Variants in ITPR1 observed in about 807,000 individuals in gnomAD.
The protein encoded by ITPR1 is inositol 1,4,5-trisphosphate receptor type 1, also known as inositol 1,4,5-trisphosphate-gated calcium channel ITPR1.
Under a neutral mutation model 318.4 loss-of-function variants are expected in ITPR1, and 96 were observed. That is an observed-to-expected ratio of 0.30 (90% CI 0.26 to 0.36). ITPR1 has a LOEUF of 0.36. ITPR1 is among the 10% of genes least tolerant of loss of function. ITPR1 has a pLI of 1.00. For missense variants in ITPR1, 2,440 were observed against 3,460.2 expected (o/e 0.71, Z 7.40); for synonymous variants, 1,312 against 1,289.9 (o/e 1.02, Z -0.37).
chr3:4,714,426 C>T (rs1055463710), intron 39 of ITPR1, among the ~76,000 whole-genome samples: 17 of 152,148 alleles, frequency 1.1e-4, no homozygotes, highest in African/African-American at 4.1e-4. Context: ...TGCTTCTCTG[C>T]CCTCTCCTGA....
At chr3:4,689,293 A>G (rs1164884735) in intron 31 of ITPR1, among the ~76,000 whole-genome samples, 3 of 144,580 alleles carry the variant, frequency 2.1e-5, no homozygotes, top group African/African-American at 7.4e-5. Context: ...CAATACTGCA[A>G]AGGACATCTT....
chr3:4,785,442 A>G (rs150290459), intron 51 of ITPR1, among the ~76,000 whole-genome samples: 2 of 152,394 alleles, frequency 1.3e-5, no homozygotes, highest in Non-Finnish European at 2.9e-5. Flanking sequence ...CCTTTGGGCA[A>G]TATGAAATGT....
At position 4,661,019 on chromosome 3, in the gene ITPR1, A is replaced by G. The variant is rs746459195; in HGVS notation, c.1183A>G (p.Thr395Ala). 6.2e-7 allele frequency: 1 copy of G among 1,608,854 alleles called. No individual in the cohort carries two copies. The highest frequency in any genetic ancestry group is 8.5e-7 in the Non-Finnish European group (1 of 1,175,546). ...TTATGTTCGGCTCAGACACCTATGT[A>G]CTAATACCTGGGTTCACAGCACAAA... ...NSYVRLRHLC[T>A]NTWVHSTNIP... The change falls in exon 14 of 62, where the codon ACT (threonine) becomes GCT (alanine). Residue 395 changes from threonine to alanine, a missense_variant. Thr to Ala is a moderately conservative substitution (Grantham distance 58). This residue lies in a region of ITPR1 where 101 missense variants were observed against 119.6 expected (regional missense o/e 0.84). Coordinates refer to ENST00000649015, the MANE Select transcript of ITPR1 (RefSeq NM_001378452.1).
chr3:4,499,057 G>A (rs1437602370), intron 2 of ITPR1, among the ~76,000 whole-genome samples: 1 of 152,166 alleles, frequency 6.6e-6, no homozygotes, highest in African/African-American at 2.4e-5. Flanking sequence ...AGGGGACGGA[G>A]GCAGGAGAAT....
Position 4,818,201 on chromosome 3 carries a change from G to A in ITPR1, c.7987G>A (p.Glu2663Lys). The A allele has an allele frequency of 1.3e-6, 2 of 1,592,192 alleles. No individual in the cohort carries two copies. Among genetic ancestry groups the A allele is most frequent in the Non-Finnish European group, 8.6e-7 (1 of 1,162,940 alleles). Residue 2663 changes from glutamate to lysine, a missense_variant, in exon 60 of 62, where the codon GAA becomes AAA. Coordinates refer to ENST00000649015, the MANE Select transcript of ITPR1 (RefSeq NM_001378452.1). Reference sequence around the variant, plus strand: ...CCTGGTGAAAGTAAAGGACTCCACCGAATATACTGGGCCTGAGAGTTACGT... The same window carrying A: ...CCTGGTGAAAGTAAAGGACTCCACCAAATATACTGGGCCTGAGAGTTACGT... ...IVLVKVKDST[E>K]YTGPESYVAE...
At chr3:4,587,236 A>T (rs2089996247) in intron 4 of ITPR1, among the ~76,000 whole-genome samples, 1 of 149,198 alleles carries the variant, frequency 6.7e-6, no homozygotes, top group Admixed American at 6.7e-5. Context: ...GCAAGCACCC[A>T]GTGCTGCTGA....
At chr3:4,537,832 A>C (rs1263246230) in intron 4 of ITPR1, among the ~76,000 whole-genome samples, 1 of 152,228 alleles carries the variant, frequency 6.6e-6, no homozygotes, top group Admixed American at 6.5e-5. Flanking sequence ...GCTTTAAGCC[A>C]CTACGTTTTT....
intron 54 of ITPR1, among the ~76,000 whole-genome samples, chr3:4,804,472 C>T (rs1419032372): frequency 6.6e-6 from 1 of 152,218 alleles, no homozygotes; most frequent in Admixed American, 6.5e-5. Flanking sequence ...CTAAGACTAA[C>T]AAGCAGAGTC....
Position 4,573,226 on chromosome 3 carries a change from T to G in ITPR1, c.163+52132T>G, listed in dbSNP as rs372915068. Among the ~76,000 whole-genome samples the G allele has an allele frequency of 3.3e-5, 5 of 152,362 alleles. No individual in the cohort carries two copies. In the South Asian group the frequency reaches 1.0e-3, roughly 32 times the overall value. ...GCCAACAGTGTACAAGGGTTCTAAT[T>G]TCTCCACATCTATCCAAACCTTGGA... is the stretch of plus-strand genomic sequence containing the variant. On this transcript the variant is annotated intron_variant, in intron 4 of 61. Transcript: ENST00000649015.
chr3:4,719,511 G>A (rs76232636), intron 40 of ITPR1, among the ~76,000 whole-genome samples: 5,479 of 152,290 alleles, frequency 0.036, 186 homozygotes, highest in South Asian at 0.089. Flanking sequence ...GTGCTGGCCC[G>A]GGATTAAGGC....
intron 59 of ITPR1, 103 bp downstream of exon 59, chr3:4,815,321 G>A: frequency 9.8e-7 from 1 of 1,018,894 alleles, no homozygotes; most frequent in Non-Finnish European, 1.4e-6. Flanking sequence ...GCCCAGTTAT[G>A]CGGGAGGGGG....
intron 12 of ITPR1, among the ~76,000 whole-genome samples, chr3:4,656,266 A>G (rs550718709): frequency 2.0e-5 from 3 of 151,838 alleles, no homozygotes; most frequent in South Asian, 2.1e-4. Context: ...TTTCCTCTCA[A>G]CTCCCACAGG....
At chr3:4,542,930 A>G (rs1430539399) in intron 4 of ITPR1, among the ~76,000 whole-genome samples, 1 of 152,180 alleles carries the variant, frequency 6.6e-6, no homozygotes, top group Non-Finnish European at 1.5e-5. Context: ...ATGTTTTCTA[A>G]TATTTCATCC....
At chr3:4,670,098 A>G (rs2094041326) in intron 19 of ITPR1, among the ~76,000 whole-genome samples, 1 of 152,194 alleles carries the variant, frequency 6.6e-6, no homozygotes, top group Non-Finnish European at 1.5e-5. Context: ...CAAATGACAT[A>G]ATGAATATTC....
intron 44 of ITPR1, chr3:4,750,553 T>G (rs192127612): frequency 2.4e-4 from 36 of 152,322 alleles, no homozygotes; most frequent in Admixed American, 1.2e-3. Flanking sequence ...TCTCTGGGTT[T>G]GCTCACCTTC....
chr3:4,689,274 C>G (rs1048205747), intron 31 of ITPR1, among the ~76,000 whole-genome samples: 1 of 152,014 alleles, frequency 6.6e-6, no homozygotes, highest in African/African-American at 2.4e-5. Flanking sequence ...TGATTTTTAA[C>G]TTTGTAAACA....
chr3:4,671,437 A>G (rs1443939985), intron 20 of ITPR1: 5 of 152,368 alleles, frequency 3.3e-5, no homozygotes, highest in African/African-American at 1.2e-4. Context: ...AATAAAAAGC[A>G]TGTACTTACA....
At chr3:4,790,177 C>G (rs1211163836) in intron 52 of ITPR1, among the ~76,000 whole-genome samples, 2 of 152,074 alleles carry the variant, frequency 1.3e-5, no homozygotes, top group Non-Finnish European at 2.9e-5. Context: ...GATAATGTCT[C>G]CAGCCTGGAA....
Position 4,493,373 on chromosome 3 carries a change from G to GA in ITPR1, c.-323dup, listed in dbSNP as rs2080286997. On this transcript the variant is annotated 5_prime_UTR_variant, in exon 1 of 62. Coordinates refer to ENST00000649015, the MANE Select transcript of ITPR1 (RefSeq NM_001378452.1). ...GCAGTAACCATGTGGATGTGCTGCT[G>GA]AAGCGTTTCCTCAAGCTCGCTGGGG... The GA allele has an allele frequency of 6.5e-6, 1 of 154,318 alleles. No homozygotes were observed. Among genetic ancestry groups the GA allele is most frequent in the South Asian group, 1.8e-4 (1 of 5,684 alleles). 9.6% of individuals were successfully genotyped at this position (154,318 alleles called of 1,614,324 possible).
Sources: allele counts gnomAD v4.1 joint callset (sites outside exome capture counted in the v4.1 genomes callset), GRCh38; gene constraint gnomAD v4.1.1; regional missense constraint gnomAD v4.1.1; transcripts MANE v1.5; gene names NCBI Gene and HGNC (gene_info 2026-07-23, HGNC 2026-07-21).